The following SLC4A10 variants were observed in gnomAD, a reference collection of about 807,000 sequenced individuals.
The protein encoded by SLC4A10 is sodium-driven chloride bicarbonate exchanger.
SLC4A10 carries 42 observed loss-of-function variants against 137.7 expected under a neutral mutation model. The ratio of observed to expected loss-of-function variants is 0.30; its 90% CI spans 0.24 to 0.39. SLC4A10 has a LOEUF of 0.39. SLC4A10 is among the 10% of genes least tolerant of loss of function. SLC4A10 has a pLI of 1.00. For missense variants in SLC4A10, 925 were observed against 1,355.0 expected, an observed-to-expected ratio of 0.68 and a Z score of 4.98; for synonymous variants, 474 against 464.1, an observed-to-expected ratio of 1.02 and a Z score of -0.27.
intron 1 of SLC4A10, among the ~76,000 whole-genome samples, chr2:161,630,795 A>T (rs1442245409): frequency 6.6e-6 from 1 of 151,740 alleles, no homozygotes; most frequent in Non-Finnish European, 1.5e-5. Context: ...AAAAGTTGCT[A>T]ATGTTTTCCA....
At chr2:161,874,274 A>T (rs2061331027) in intron 8 of SLC4A10, among the ~76,000 whole-genome samples, 1 of 152,236 alleles carries the variant, frequency 6.6e-6, no homozygotes, top group Non-Finnish European at 1.5e-5. Flanking sequence ...ATGCATTAAC[A>T]ACATAAAGAA....
chr2:161,934,202 AT>A (rs1373943691), intron 15 of SLC4A10, among the ~76,000 whole-genome samples: 1 of 152,054 alleles, frequency 6.6e-6, no homozygotes, highest in African/African-American at 2.4e-5. Context: ...AAAATGTTCA[AT>A]CCATTATTGT....
chr2:161,866,425 G>A (rs533913378), intron 6 of SLC4A10, among the ~76,000 whole-genome samples: 65 of 151,744 alleles, frequency 4.3e-4, no homozygotes, highest in Middle Eastern at 3.4e-3. Flanking sequence ...TTCGTATTCC[G>A]CATTCTCTTC....
chr2:161,960,719 CAAAAAAAAAG>C (rs1490925671), intron 21 of SLC4A10, among the ~76,000 whole-genome samples: 7 of 115,642 alleles, frequency 6.1e-5, no homozygotes, highest in Non-Finnish European at 9.1e-5. Context: ...TACTCTGTCT[CAAAAAAAAAG>C]AAAAAAAAAA....
At chr2:161,762,384 T>C (rs1574830870) in intron 1 of SLC4A10, among the ~76,000 whole-genome samples, 1 of 152,136 alleles carries the variant, frequency 6.6e-6, no homozygotes, top group African/African-American at 2.4e-5. Context: ...AGTATTTAAA[T>C]TCTTGTAACA....
chr2:161,807,714 G>A (rs1040579303), intron 3 of SLC4A10, among the ~76,000 whole-genome samples: 4 of 151,952 alleles, frequency 2.6e-5, no homozygotes, highest in Non-Finnish European at 4.4e-5. Flanking sequence ...CTAAGTTTTA[G>A]TTTTCTTCAT....
intron 3 of SLC4A10, among the ~76,000 whole-genome samples, chr2:161,834,775 G>A (rs1043364503): frequency 6.6e-6 from 1 of 151,634 alleles, no homozygotes; most frequent in African/African-American, 2.4e-5. Flanking sequence ...CCATGGGGTG[G>A]ATGAATGCCA....
chr2:161,854,332 C>T (rs1317650150), intron 4 of SLC4A10, among the ~76,000 whole-genome samples: 1 of 152,092 alleles, frequency 6.6e-6, no homozygotes, highest in Non-Finnish European at 1.5e-5. Flanking sequence ...AGACAGTGGT[C>T]CCCCATTTGA....
chr2:161,859,575 T>C (rs1461218264), intron 5 of SLC4A10, among the ~76,000 whole-genome samples: 1 of 138,362 alleles, frequency 7.2e-6, no homozygotes, highest in African/African-American at 2.7e-5. Context: ...TTTGTCCTTT[T>C]TTTCTTTTCT....
chr2:161,877,568 A>G (rs1040812407), intron 8 of SLC4A10, among the ~76,000 whole-genome samples: 1 of 152,070 alleles, frequency 6.6e-6, no homozygotes, highest in Non-Finnish European at 1.5e-5. Flanking sequence ...ATAAATACCT[A>G]CAAAAATACC....
chr2:161,710,833 G>A (rs1263243784), intron 1 of SLC4A10: 1 of 343,868 alleles, frequency 2.9e-6, no homozygotes, highest in East Asian at 7.8e-5. Context: ...GATACTGTAT[G>A]TATTTGGTGT....
At chr2:161,917,575 CT>C (rs34273540) in intron 15 of SLC4A10, among the ~76,000 whole-genome samples, 25 of 135,910 alleles carry the variant, frequency 1.8e-4, no homozygotes, top group Non-Finnish European at 3.0e-4. Context: ...GAGACCCTGT[CT>C]AAAAAAAAAA....
chr2:161,661,201 G>A (rs183592055), intron 1 of SLC4A10, among the ~76,000 whole-genome samples: 11 of 152,074 alleles, frequency 7.2e-5, no homozygotes, highest in Admixed American at 2.6e-4. Flanking sequence ...TTGGCCAGTC[G>A]CAGTAGCTCA....
chr2:161,799,725 CT>C (rs1252562928), intron 2 of SLC4A10, among the ~76,000 whole-genome samples: 4 of 151,780 alleles, frequency 2.6e-5, no homozygotes, highest in Admixed American at 1.3e-4. Context: ...ATTAGTAGGT[CT>C]TTAATATCTA....
intron 11 of SLC4A10, among the ~76,000 whole-genome samples, chr2:161,897,827 T>C (rs1446727868): frequency 1.3e-5 from 2 of 152,124 alleles, no homozygotes; most frequent in Admixed American, 6.6e-5. Context: ...CTTTAATTAA[T>C]GTTATTTGGA....
At chr2:161,784,101 T>C (rs1457999587) in intron 2 of SLC4A10, among the ~76,000 whole-genome samples, 1 of 151,596 alleles carries the variant, frequency 6.6e-6, no homozygotes, top group Admixed American at 6.6e-5. Flanking sequence ...TTATATCAGA[T>C]AAAATAGACT....
intron 6 of SLC4A10, among the ~76,000 whole-genome samples, chr2:161,869,807 G>C (rs912425552): frequency 1.3e-5 from 2 of 151,410 alleles, no homozygotes; most frequent in Admixed American, 6.6e-5. Flanking sequence ...GAATATTAAC[G>C]CCTATCATTT....
chr2:161,745,038 AT>A (rs1296430766), intron 1 of SLC4A10, among the ~76,000 whole-genome samples: 2 of 152,088 alleles, frequency 1.3e-5, no homozygotes, highest in Non-Finnish European at 2.9e-5. Flanking sequence ...GTTGACAAAA[AT>A]CCCCCAACTT....
At chr2:161,723,711 A>C (rs1358844896) in intron 1 of SLC4A10, among the ~76,000 whole-genome samples, 2 of 152,236 alleles carry the variant, frequency 1.3e-5, no homozygotes, top group African/African-American at 4.8e-5. Context: ...GGATTTAATA[A>C]CATTGAATCC....
Sources: gnomAD v4.1 joint callset for allele counts (sites outside exome capture counted in the v4.1 genomes callset) on GRCh38, gnomAD v4.1.1 for gene constraint, MANE v1.5 for transcripts, NCBI Gene and HGNC (gene_info 2026-07-23, HGNC 2026-07-21) for gene names.